PDE7B: variants seen among roughly 807,000 people sequenced by gnomAD.
The protein encoded by PDE7B is phosphodiesterase 7B.
A neutral mutation model predicts 56.2 loss-of-function variants in PDE7B; 29 were observed. The observed-to-expected ratio is 0.52, with a 90% confidence interval of 0.38 to 0.70. PDE7B has a LOEUF of 0.70. Among genes scored for constraint, PDE7B ranks in the 30% least tolerant of loss-of-function variants. The probability of loss-of-function intolerance (pLI) is 0.00; values close to 1 mark genes in which losing one functional copy is unlikely to be tolerated. For missense variants in PDE7B, 490 were observed against 565.0 expected, an observed-to-expected ratio of 0.87 and a Z score of 1.35; for synonymous variants, 197 against 196.9, an observed-to-expected ratio of 1.00 and a Z score of 0.00.
chr6:136,007,209 A>C (rs1775800661), intron 2 of PDE7B, among the ~76,000 whole-genome samples: 1 of 152,154 alleles, frequency 6.6e-6, no homozygotes. Context: ...AATGCATCAC[A>C]TTTATGGATT....
intron 2 of PDE7B, among the ~76,000 whole-genome samples, chr6:136,099,374 T>C (rs1777524163): frequency 6.6e-6 from 1 of 152,244 alleles, no homozygotes; most frequent in African/African-American, 2.4e-5. Flanking sequence ...ATGGTTGAAC[T>C]AGTTTACATT....
chr6:136,051,963 G>C (rs998202112), intron 2 of PDE7B, among the ~76,000 whole-genome samples: 5 of 151,796 alleles, frequency 3.3e-5, no homozygotes, highest in Admixed American at 3.3e-4. Flanking sequence ...ATAAGCAGAG[G>C]CACATGTATG....
intron 8 of PDE7B, among the ~76,000 whole-genome samples, chr6:136,167,575 G>T (rs1583920313): frequency 6.6e-6 from 1 of 152,146 alleles, no homozygotes; most frequent in Admixed American, 6.5e-5. Flanking sequence ...TAAGTCCATT[G>T]AACCTCTTTC....
At chr6:135,872,729 T>A (rs1307304804) in intron 1 of PDE7B, among the ~76,000 whole-genome samples, 2 of 152,158 alleles carry the variant, frequency 1.3e-5, no homozygotes, top group African/African-American at 4.8e-5. Context: ...TTAACTGAAG[T>A]CTATTATGGA....
At chr6:135,882,787 C>G (rs563831907) in intron 1 of PDE7B, among the ~76,000 whole-genome samples, 1 of 152,268 alleles carries the variant, frequency 6.6e-6, no homozygotes, top group South Asian at 2.1e-4. Flanking sequence ...CTGAGAATAA[C>G]AGATTGTCTT....
intron 2 of PDE7B, among the ~76,000 whole-genome samples, chr6:135,960,469 G>A (rs1002037353): frequency 3.9e-5 from 6 of 152,272 alleles, no homozygotes; most frequent in South Asian, 2.1e-4. Flanking sequence ...ACATGTGTAA[G>A]CTTATATTTA....
Position 136,192,280 on chromosome 6 carries a change from A to C in PDE7B, c.*440A>C. 1 of 158,766 alleles carries C rather than the reference A, an allele frequency of 6.3e-6. No individual in the cohort carries two copies. The highest frequency in any genetic ancestry group is 1.4e-5 in the Non-Finnish European group (1 of 71,598). 9.8% of individuals were successfully genotyped at this position (158,766 alleles called of 1,614,324 possible). On this transcript the variant is annotated 3_prime_UTR_variant, in exon 13 of 13. Transcript: ENST00000308191. Reference sequence around the variant, plus strand: ...TGCAACGCCAAGGATATTGGTCTTAAGTGCAAGAGCACAAATGAGAGTGTG... The same window carrying C: ...TGCAACGCCAAGGATATTGGTCTTACGTGCAAGAGCACAAATGAGAGTGTG...
chr6:135,967,799 A>G (rs1775021730), intron 2 of PDE7B, among the ~76,000 whole-genome samples: 1 of 152,218 alleles, frequency 6.6e-6, no homozygotes, highest in African/African-American at 2.4e-5. Flanking sequence ...TATAAGGAGA[A>G]GACTAAAGAG....
chr6:136,181,383 T>C, intron 11 of PDE7B, 60 bp downstream of exon 11: 1 of 1,018,432 alleles, frequency 9.8e-7, no homozygotes. Flanking sequence ...GCATTTATCC[T>C]AATAAAACAG....
chr6:136,037,582 C>T, intron 2 of PDE7B: 1 of 985,444 alleles, frequency 1.0e-6, no homozygotes, highest in Non-Finnish European at 1.2e-6. Context: ...GAAGCAGCTG[C>T]AGATTGGCTC....
intron 1 of PDE7B, among the ~76,000 whole-genome samples, chr6:135,889,584 G>T (rs1293095910): frequency 6.6e-6 from 1 of 150,378 alleles, no homozygotes; most frequent in African/African-American, 2.5e-5. Flanking sequence ...GGGATTACAG[G>T]CGCCCACCAC....
chr6:136,170,485 C>G (rs1778860905), intron 8 of PDE7B, among the ~76,000 whole-genome samples: 1 of 152,128 alleles, frequency 6.6e-6, no homozygotes, highest in East Asian at 1.9e-4. Context: ...CTGGCAACCA[C>G]CCATTCTACT....
chr6:135,943,786 G>A (rs930392326), intron 1 of PDE7B, among the ~76,000 whole-genome samples: 1 of 152,134 alleles, frequency 6.6e-6, no homozygotes, highest in African/African-American at 2.4e-5. Flanking sequence ...CAATAATGAG[G>A]CATGTTAGGA....
intron 2 of PDE7B, chr6:136,064,362 A>C (rs558104091): frequency 6.6e-6 from 1 of 152,310 alleles, no homozygotes; most frequent in African/African-American, 2.4e-5. Flanking sequence ...TTAATCTCTT[A>C]AATGCAAAAG....
chr6:136,191,986 T>C lies in PDE7B; in HGVS notation c.*146T>C. On this transcript the variant is annotated 3_prime_UTR_variant, in exon 13 of 13. Coordinates refer to ENST00000308191, the MANE Select transcript of PDE7B (RefSeq NM_018945.4). ...GAACGCCATCTTCCTCCCACTTACC[T>C]GCCTCCCCTCCTTTTCGCAAATGTA... The C allele has an allele frequency of 3.1e-6, 2 of 644,666 alleles. No homozygotes were observed. The highest frequency in any genetic ancestry group is 5.3e-6 in the Non-Finnish European group (2 of 375,356). The allele number at this position is 644,666 out of a possible 1,614,324, so 39.9% of individuals were successfully genotyped here.
intron 2 of PDE7B, among the ~76,000 whole-genome samples, chr6:135,986,390 A>G (rs1047815367): frequency 6.6e-6 from 1 of 152,248 alleles, no homozygotes; most frequent in African/African-American, 2.4e-5. Flanking sequence ...TATTTAAAGG[A>G]AAACATTTAG....
At chr6:136,020,299 A>C (rs1340315894) in intron 2 of PDE7B, among the ~76,000 whole-genome samples, 1 of 152,174 alleles carries the variant, frequency 6.6e-6, no homozygotes, top group Non-Finnish European at 1.5e-5. Flanking sequence ...GGCTGACTTG[A>C]TATAATTAAA....
At chr6:136,191,431 C>T (rs949089028) in intron 12 of PDE7B, among the ~76,000 whole-genome samples, 183 bp from the exon 13 acceptor site, 33 of 152,230 alleles carry the variant, frequency 2.2e-4, no homozygotes, top group African/African-American at 5.8e-4. Context: ...CTTTGGGAGG[C>T]CGAGGCGGGC....
chr6:135,922,729 TAA>T (rs1774109237), intron 1 of PDE7B, among the ~76,000 whole-genome samples: 1 of 152,160 alleles, frequency 6.6e-6, no homozygotes, highest in Non-Finnish European at 1.5e-5. Context: ...ATCAAAGTAG[TAA>T]AATTAACAAC....
Sources: allele counts gnomAD v4.1 joint callset (sites outside exome capture counted in the v4.1 genomes callset), GRCh38; gene constraint gnomAD v4.1.1; transcripts MANE v1.5; gene names NCBI Gene and HGNC (gene_info 2026-07-23, HGNC 2026-07-21).